The following GSG1L variants were observed in gnomAD, a reference collection of about 807,000 sequenced individuals.
GSG1L encodes GSG1 like.
In GSG1L, 24 loss-of-function variants were observed where a neutral mutation model predicts 42.1. The ratio of observed to expected loss-of-function variants is 0.57; its 90% CI spans 0.41 to 0.80. GSG1L has a LOEUF of 0.80. GSG1L is among the 30% of genes least tolerant of loss of function. The probability of loss-of-function intolerance (pLI) is 0.00; values close to 1 mark genes in which losing one functional copy is unlikely to be tolerated. For synonymous variants in GSG1L, 215 were observed against 203.5 expected (o/e 1.06, Z -0.48); for missense variants, 445 against 472.2 (o/e 0.94, Z 0.53).
At chr16:27,934,186 A>C (rs908542987) in intron 2 of GSG1L, among the ~76,000 whole-genome samples, 1 of 152,242 alleles carries the variant, frequency 6.6e-6, no homozygotes, top group African/African-American at 2.4e-5. Flanking sequence ...CAGCTCATTT[A>C]ATTCAAAATA....
At chr16:27,810,686 T>A (rs2083020908) in intron 5 of GSG1L, among the ~76,000 whole-genome samples, 1 of 152,056 alleles carries the variant, frequency 6.6e-6, no homozygotes, top group Admixed American at 6.6e-5. Flanking sequence ...TCTTTTTTTT[T>A]AAGTTTTTCT....
intron 3 of GSG1L, among the ~76,000 whole-genome samples, chr16:27,865,389 G>A (rs536852596): frequency 5.6e-4 from 85 of 151,570 alleles, no homozygotes; most frequent in Non-Finnish European, 1.0e-3. Context: ...ATCCATTCCC[G>A]GCTGGGAGCC....
intron 1 of GSG1L, among the ~76,000 whole-genome samples, chr16:28,017,100 G>T (rs1293100463): frequency 6.6e-6 from 1 of 152,148 alleles, no homozygotes; most frequent in Non-Finnish European, 1.5e-5. Flanking sequence ...TATCAAATTG[G>T]TTTTTTTCTC....
At chr16:27,828,572 T>A (rs977953411) in intron 5 of GSG1L, among the ~76,000 whole-genome samples, 3 of 152,222 alleles carry the variant, frequency 2.0e-5, no homozygotes, top group African/African-American at 7.2e-5. Flanking sequence ...TTTGATCACA[T>A]AAGCCCAAGG....
chr16:27,935,826 C>G (rs1471095261), intron 2 of GSG1L, among the ~76,000 whole-genome samples: 1 of 148,796 alleles, frequency 6.7e-6, no homozygotes, highest in Admixed American at 6.8e-5. Flanking sequence ...AGCATCCATC[C>G]TCCTCCTTGA....
At chr16:28,016,348 G>A (rs1242328129) in intron 1 of GSG1L, among the ~76,000 whole-genome samples, 4 of 152,180 alleles carry the variant, frequency 2.6e-5, no homozygotes, top group African/African-American at 9.6e-5. Context: ...ATGTCCTCCT[G>A]GACCTACATC....
At chr16:27,962,493 C>T (rs1424848981) in intron 2 of GSG1L, among the ~76,000 whole-genome samples, 2 of 152,182 alleles carry the variant, frequency 1.3e-5, no homozygotes, top group African/African-American at 4.8e-5. Flanking sequence ...AGCAGAGCCA[C>T]CTTAGATTGT....
chr16:28,045,346 C>T (rs1000870067), intron 1 of GSG1L, among the ~76,000 whole-genome samples: 2 of 152,132 alleles, frequency 1.3e-5, no homozygotes, highest in Non-Finnish European at 2.9e-5. Context: ...GTCGATACTC[C>T]ATGCTCAATT....
intron 4 of GSG1L, among the ~76,000 whole-genome samples, chr16:27,832,110 G>A (rs2083280863): frequency 6.6e-6 from 1 of 152,054 alleles, no homozygotes; most frequent in Non-Finnish European, 1.5e-5. Flanking sequence ...CACACCCTGT[G>A]ATTCTTTTTA....
rs562614180 is a variant in GSG1L, at chr16:27,921,350, T to C, written c.398-36712A>G. Among the ~76,000 whole-genome samples, 65 of 152,306 alleles carry C rather than the reference T, an allele frequency of 4.3e-4. 1 individual carries two copies. The highest frequency in any genetic ancestry group is 1.4e-3 in the African/African-American group (60 of 41,558). On this transcript the variant is annotated intron_variant, in intron 2 of 6. Transcript: ENST00000447459. ...CTGGAGTTTCCCTGCCAAGACTTGGTCCAGCACCACGGCCAGTGTCTGTTC... is the reference window on the plus strand; with the variant it reads ...CTGGAGTTTCCCTGCCAAGACTTGGCCCAGCACCACGGCCAGTGTCTGTTC...
intron 3 of GSG1L, among the ~76,000 whole-genome samples, chr16:27,876,865 A>G (rs1426970816): frequency 6.6e-6 from 1 of 152,198 alleles, no homozygotes; most frequent in Non-Finnish European, 1.5e-5. Flanking sequence ...TTATTGTGAC[A>G]TTTCATTTTC....
intron 4 of GSG1L, among the ~76,000 whole-genome samples, chr16:27,831,770 C>T (rs1215599211): frequency 6.6e-6 from 1 of 152,234 alleles, no homozygotes; most frequent in African/African-American, 2.4e-5. Flanking sequence ...TTTCCATGTA[C>T]TTTACATGCA....
chr16:27,925,715 C>T (rs527689213), intron 2 of GSG1L, among the ~76,000 whole-genome samples: 2 of 152,142 alleles, frequency 1.3e-5, no homozygotes, highest in Non-Finnish European at 2.9e-5. Flanking sequence ...GTGAGCTTCA[C>T]GGAACCAGTA....
At chr16:27,885,186 G>A (rs75598213) in intron 2 of GSG1L, among the ~76,000 whole-genome samples, 5,024 of 152,232 alleles carry the variant, frequency 0.033, 292 homozygotes, top group East Asian at 0.16. Context: ...GTCTCGCTCT[G>A]TCACCCAGGC....
chr16:28,062,160 G>A (rs540208523), intron 1 of GSG1L, among the ~76,000 whole-genome samples: 1 of 152,252 alleles, frequency 6.6e-6, no homozygotes, highest in South Asian at 2.1e-4. Flanking sequence ...CACGTCTTTC[G>A]GGCCAGCTCT....
chr16:27,935,829 C>T (rs2084709679), intron 2 of GSG1L, among the ~76,000 whole-genome samples: 1 of 148,592 alleles, frequency 6.7e-6, no homozygotes, highest in African/African-American at 2.5e-5. Flanking sequence ...ATCCATCCTC[C>T]TCCTTGAAAT....
chr16:27,979,746 AAAGGAAAGAAAGAAAGAAAG>A (rs2085301906), intron 1 of GSG1L, among the ~76,000 whole-genome samples: 1 of 75,112 alleles, frequency 1.3e-5, no homozygotes, highest in Non-Finnish European at 2.8e-5. Context: ...AGAAAGAAAG[AAAGGAAAGAAAGAAAGAAAG>A]AAGGAAAGAA....
chr16:27,973,621 C>T (rs141196740), intron 1 of GSG1L, among the ~76,000 whole-genome samples: 383 of 152,126 alleles, frequency 2.5e-3, no homozygotes, highest in African/African-American at 8.8e-3. Flanking sequence ...CAGGGGGTCA[C>T]GCACTGGTTC....
intron 2 of GSG1L, among the ~76,000 whole-genome samples, chr16:27,952,434 A>G (rs1000351734): frequency 6.6e-6 from 1 of 152,234 alleles, no homozygotes; most frequent in African/African-American, 2.4e-5. Flanking sequence ...AAGGATGAAT[A>G]TAAGTTTGCA....
Sources: gnomAD v4.1 joint callset for allele counts (sites outside exome capture counted in the v4.1 genomes callset) on GRCh38, gnomAD v4.1.1 for gene constraint, MANE v1.5 for transcripts, NCBI Gene and HGNC (gene_info 2026-07-23, HGNC 2026-07-21) for gene names.